SSBP2: variants seen among roughly 807,000 people sequenced by gnomAD.
SSBP2 encodes single-stranded DNA-binding protein 2.
In SSBP2, 17 loss-of-function variants were observed where a neutral mutation model predicts 61.8. The ratio of observed to expected loss-of-function variants is 0.28; its 90% confidence interval spans 0.19 to 0.41. The LOEUF (loss-of-function observed/expected upper bound fraction) is 0.41. Ranked by LOEUF, SSBP2 falls within the 10% of genes least tolerant of loss-of-function variation. The pLI, the probability that SSBP2 is intolerant of heterozygous loss-of-function variation, is 1.00. For missense variants in SSBP2, 310 were observed against 458.7 expected (o/e 0.68, Z 2.96); for synonymous variants, 139 against 141.3 (o/e 0.98, Z 0.12).
intron 4 of SSBP2, among the ~76,000 whole-genome samples, chr5:81,565,735 A>G (rs1773372986): frequency 6.6e-6 from 1 of 152,188 alleles, no homozygotes; most frequent in Non-Finnish European, 1.5e-5. Context: ...CTTATTTCAG[A>G]GTAGATACTT....
At chr5:81,574,241 C>T in intron 4 of SSBP2, among the ~76,000 whole-genome samples, 1 of 151,676 alleles carries the variant, frequency 6.6e-6, no homozygotes. Flanking sequence ...GGCAGAATAA[C>T]ATTTAAATTG....
chr5:81,531,753 C>T (rs1770425650), intron 4 of SSBP2, among the ~76,000 whole-genome samples: 1 of 151,962 alleles, frequency 6.6e-6, no homozygotes, highest in African/African-American at 2.4e-5. Context: ...GAGGTTTTGT[C>T]CAGATTTGGA....
intron 1 of SSBP2, among the ~76,000 whole-genome samples, chr5:81,694,914 T>A (rs1030179642): frequency 2.0e-5 from 3 of 152,144 alleles, no homozygotes; most frequent in African/African-American, 7.2e-5. Context: ...GCAGGAGGAT[T>A]GTTTGAGCCC....
intron 4 of SSBP2, among the ~76,000 whole-genome samples, chr5:81,570,717 A>G (rs753343293): frequency 1.1e-4 from 16 of 152,172 alleles, no homozygotes; most frequent in Non-Finnish European, 2.1e-4. Context: ...AAAATATTAC[A>G]TTTCCCATTG....
chr5:81,735,176 C>T (rs1266290487), intron 1 of SSBP2, among the ~76,000 whole-genome samples: 2 of 151,974 alleles, frequency 1.3e-5, no homozygotes, highest in African/African-American at 4.8e-5. Flanking sequence ...TAGAGATAAA[C>T]CTAATTTATT....
chr5:81,694,670 G>C (rs914260181), intron 1 of SSBP2, among the ~76,000 whole-genome samples: 1 of 152,152 alleles, frequency 6.6e-6, no homozygotes, highest in Non-Finnish European at 1.5e-5. Context: ...TAAAGTGACA[G>C]TTCCCTTTCA....
chr5:81,544,926 T>C (rs1021924420), intron 4 of SSBP2, among the ~76,000 whole-genome samples: 1 of 152,204 alleles, frequency 6.6e-6, no homozygotes, highest in Non-Finnish European at 1.5e-5. Flanking sequence ...CCATATATTA[T>C]GCTCTGCTGT....
chr5:81,473,307 GTA>G (rs1432767251), intron 8 of SSBP2, among the ~76,000 whole-genome samples: 1 of 152,070 alleles, frequency 6.6e-6, no homozygotes, highest in Admixed American at 6.6e-5. Flanking sequence ...TGTTACATAG[GTA>G]TATGTACGCC....
Position 81,429,570 on chromosome 5 carries a change from G to A in SSBP2, c.958-887C>T, listed in dbSNP as rs556695965. ...CTTTGAAGGTCCAATTCATTAACTT[G>A]TAAAAAAAAACTTCAGAGTTAAACA... On this transcript the variant is annotated intron_variant, in intron 15 of 16. Transcript: ENST00000320672. 9.7e-4 allele frequency among the ~76,000 whole-genome samples: 148 copies of A among 151,888 alleles called. 7 individuals carry two copies. The South Asian group carries it at 0.03, about 31-fold the overall frequency.
At chr5:81,750,849 A>T (rs1757719033) in intron 1 of SSBP2, 132 bp downstream of exon 1, 2 of 988,120 alleles carry the variant, frequency 2.0e-6, no homozygotes, top group African/African-American at 1.6e-5. Context: ...CCATCGCGGC[A>T]CCCCTCCCCC....
intron 4 of SSBP2, among the ~76,000 whole-genome samples, chr5:81,523,912 G>A (rs540719182): frequency 2.0e-5 from 3 of 152,078 alleles, no homozygotes; most frequent in South Asian, 2.1e-4. Flanking sequence ...CATTGTCTCC[G>A]CTTTCACAAG....
chr5:81,543,324 G>C (rs1771453556), intron 4 of SSBP2, among the ~76,000 whole-genome samples: 2 of 152,166 alleles, frequency 1.3e-5, no homozygotes, highest in Admixed American at 1.3e-4. Flanking sequence ...AGCAGTCTAA[G>C]AACAGACTAA....
chr5:81,656,620 C>T (rs905888931), intron 1 of SSBP2, among the ~76,000 whole-genome samples: 4 of 150,702 alleles, frequency 2.7e-5, no homozygotes, highest in Non-Finnish European at 5.9e-5. Flanking sequence ...AATAAAATGA[C>T]ATGTATATGA....
chr5:81,467,445 C>T (rs376297043), intron 8 of SSBP2, among the ~76,000 whole-genome samples: 5 of 151,404 alleles, frequency 3.3e-5, no homozygotes, highest in African/African-American at 7.3e-5. Context: ...ACATAAAGTC[C>T]GAAAAGAAAA....
At chr5:81,504,998 T>C (rs969623468) in intron 5 of SSBP2, among the ~76,000 whole-genome samples, 2 of 152,344 alleles carry the variant, frequency 1.3e-5, no homozygotes, top group East Asian at 3.9e-4. Context: ...GTTGGGTGGC[T>C]CCCAGGACTC....
At chr5:81,489,728 C>T (rs1421825749) in intron 5 of SSBP2, among the ~76,000 whole-genome samples, 1 of 152,092 alleles carries the variant, frequency 6.6e-6, no homozygotes, top group Non-Finnish European at 1.5e-5. Context: ...TTATCAATTC[C>T]TTTAATAATT....
chr5:81,744,519 C>A (rs1036455699), intron 1 of SSBP2, among the ~76,000 whole-genome samples: 1 of 151,546 alleles, frequency 6.6e-6, no homozygotes, highest in African/African-American at 2.4e-5. Flanking sequence ...TTTTAATATG[C>A]TATAGATTTA....
chr5:81,590,732 T>C (rs1347564138), intron 4 of SSBP2, among the ~76,000 whole-genome samples: 1 of 152,020 alleles, frequency 6.6e-6, no homozygotes, highest in Non-Finnish European at 1.5e-5. Flanking sequence ...CTCTGTTGGG[T>C]CCCCTCTCCC....
At chr5:81,691,265 A>C (rs1256141895) in intron 1 of SSBP2, among the ~76,000 whole-genome samples, 2 of 152,134 alleles carry the variant, frequency 1.3e-5, no homozygotes, top group East Asian at 3.8e-4. Context: ...ACAAAAGATC[A>C]ATGAAAAAGT....
Sources: gnomAD v4.1 joint callset for allele counts (sites outside exome capture counted in the v4.1 genomes callset) on GRCh38, gnomAD v4.1.1 for gene constraint, MANE v1.5 for transcripts, NCBI Gene and HGNC (gene_info 2026-07-23, HGNC 2026-07-21) for gene names.